The following LRRC38 variants were observed in gnomAD, a reference collection of about 807,000 sequenced individuals.
LRRC38 encodes the protein leucine rich repeat containing 38.
In LRRC38, 5 loss-of-function variants were observed where a neutral mutation model predicts 16.4. That is an observed-to-expected ratio of 0.31 (90% confidence interval 0.16 to 0.64). The LOEUF (loss-of-function observed/expected upper bound fraction) is 0.64. Ranked by LOEUF, LRRC38 falls within the 30% of genes least tolerant of loss-of-function variation. The pLI, the probability that LRRC38 is intolerant of heterozygous loss-of-function variation, is 0.80. For missense variants in LRRC38, 341 were observed against 401.8 expected (o/e 0.85, Z 1.29); for synonymous variants, 191 against 190.2 (o/e 1.00, Z -0.04).
chr1:13,481,527 G>A (rs751118471), intron 1 of LRRC38, among the ~76,000 whole-genome samples: 1 of 151,896 alleles, frequency 6.6e-6, no homozygotes, highest in Non-Finnish European at 1.5e-5. Context: ...GAGTAGCTGG[G>A]ACTACAGGCA....
In LRRC38 at chr1:13,508,841, A is replaced by C. The variant is rs551574025; in HGVS notation, c.631+4122T>G. Among the ~76,000 whole-genome samples the C allele has an allele frequency of 3.2e-4, 48 of 152,350 alleles. 1 individual carries two copies. In the South Asian group the frequency reaches 9.7e-3, roughly 31 times the overall value. Reference sequence around the variant, plus strand: ...ACAAGAACTCCTCATTCCTCTGACCAAACCAGGCCCTCACAGTGTCTGACA... The same window carrying C: ...ACAAGAACTCCTCATTCCTCTGACCCAACCAGGCCCTCACAGTGTCTGACA... On this transcript the variant is annotated intron_variant, in intron 1 of 1. Transcript: ENST00000376085.
Position 13,487,582 on chromosome 1 carries a change from G to C in LRRC38, c.632-11483C>G, listed in dbSNP as rs1038943256. Among the ~76,000 whole-genome samples, 10 of 152,160 alleles carry C rather than the reference G, an allele frequency of 6.6e-5. No homozygotes were observed. The highest frequency in any genetic ancestry group is 2.4e-4 in the African/African-American group (10 of 41,432). On this transcript the variant is annotated intron_variant, in intron 1 of 1. Transcript: ENST00000376085. The surrounding 1 kb of genome is among the most constrained non-coding windows in gnomAD (Gnocchi z 4.4). ...TCCAGGGCACATTCAGAAGAGACAG[G>C]CATCTCCCTTGTGCAGGGCGGCTCC...
At chr1:13,477,668 T>C (rs193132589) in intron 1 of LRRC38, among the ~76,000 whole-genome samples, 313 of 152,072 alleles carry the variant, frequency 2.1e-3, no homozygotes, top group African/African-American at 6.9e-3. Context: ...CAAGACCCTG[T>C]CTCTACAAAA....
At chr1:13,511,745 T>C (rs974519436) in intron 1 of LRRC38, among the ~76,000 whole-genome samples, 1 of 152,010 alleles carries the variant, frequency 6.6e-6, no homozygotes, top group African/African-American at 2.4e-5. Context: ...GGACAAAGTT[T>C]AAAGGTGGGG....
At chr1:13,498,139 C>T (rs1639104269) in intron 1 of LRRC38, among the ~76,000 whole-genome samples, 1 of 151,856 alleles carries the variant, frequency 6.6e-6, no homozygotes, top group African/African-American at 2.4e-5. Context: ...GTTTTCAGCT[C>T]AGCGCCTGGA....
chr1:13,493,879 A>G (rs354588), intron 1 of LRRC38, among the ~76,000 whole-genome samples: 55,372 of 151,972 alleles, frequency 0.36, 11,282 homozygotes, highest in African/African-American at 0.55. Flanking sequence ...CCTGCCCAAT[A>G]TGGTGAAACC....
chr1:13,495,131 G>C (rs1322502297), intron 1 of LRRC38, among the ~76,000 whole-genome samples: 1 of 152,182 alleles, frequency 6.6e-6, no homozygotes, highest in Admixed American at 6.5e-5. Flanking sequence ...CAGTCTCTCT[G>C]GAGCACAGAG....
intron 1 of LRRC38, 42 bp downstream of exon 1, chr1:13,512,921 G>GCCCCCCAGC: frequency 8.0e-7 from 1 of 1,246,172 alleles, no homozygotes; most frequent in Non-Finnish European, 1.1e-6. Flanking sequence ...GCCTCTCCCT[G>GCCCCCCAGC]CCCCCCTCCC....
At position 13,513,693 on chromosome 1, in the gene LRRC38, G is replaced by A. The variant is rs1363532844; in HGVS notation, c.-100C>T. 1 of 811,050 alleles carries A rather than the reference G, an allele frequency of 1.2e-6. No individual in the cohort carries two copies. The highest frequency in any genetic ancestry group is 5.5e-5 in the South Asian group (1 of 18,088). 50.2% of individuals were successfully genotyped at this position (811,050 alleles called of 1,614,324 possible). On this transcript the variant is annotated 5_prime_UTR_variant, in exon 1 of 2. Transcript: ENST00000376085. Reference sequence around the variant, plus strand: ...TGAGGCACTGGCTGCCGGGCGCGGGGAGCCAGAGGGCGGCCCGGGCGGGGA... The same window carrying A: ...TGAGGCACTGGCTGCCGGGCGCGGGAAGCCAGAGGGCGGCCCGGGCGGGGA...
intron 1 of LRRC38, among the ~76,000 whole-genome samples, chr1:13,508,781 C>T (rs1639241173): frequency 6.6e-6 from 1 of 152,130 alleles, no homozygotes; most frequent in South Asian, 2.1e-4. Flanking sequence ...CGGGTTTGTC[C>T]CTTAGGCTGA....
chr1:13,503,125 G>A (rs1377603045), intron 1 of LRRC38, among the ~76,000 whole-genome samples: 1 of 152,144 alleles, frequency 6.6e-6, no homozygotes, highest in Non-Finnish European at 1.5e-5. Flanking sequence ...GCTGACACAA[G>A]AGGTCCCAGC....
At chr1:13,481,754 TTTCTTTCC>T (rs1638862622) in intron 1 of LRRC38, among the ~76,000 whole-genome samples, 6 of 112,562 alleles carry the variant, frequency 5.3e-5, no homozygotes, top group South Asian at 2.7e-4. Flanking sequence ...TGCCTCTCAC[TTTCTTTCC>T]CTCTCTCTCC....
chr1:13,488,105 G>A (rs1020534852), intron 1 of LRRC38, among the ~76,000 whole-genome samples: 7 of 149,042 alleles, frequency 4.7e-5, no homozygotes, highest in African/African-American at 1.2e-4. Flanking sequence ...CCACTCTGTC[G>A]GATAACCATA....
intron 1 of LRRC38, among the ~76,000 whole-genome samples, chr1:13,481,770 TCC>T (rs1557495266): frequency 0.092 from 3,452 of 37,430 alleles, 116 homozygotes; most frequent in African/African-American, 0.14. Context: ...TCCCTCTCTC[TCC>T]CTCTCTCCCT....
chr1:13,511,347 C>T (rs1038884479), intron 1 of LRRC38, among the ~76,000 whole-genome samples: 1 of 152,070 alleles, frequency 6.6e-6, no homozygotes, highest in Admixed American at 6.6e-5. Context: ...AGATTTTAGG[C>T]CAGGACTTAA....
chr1:13,512,112 G>A (rs1200396306), intron 1 of LRRC38, among the ~76,000 whole-genome samples: 4 of 152,148 alleles, frequency 2.6e-5, no homozygotes, highest in East Asian at 3.9e-4. Context: ...AGGGTCACAA[G>A]TGGGAGGCTG....
chr1:13,495,808 C>G (rs1028157131), intron 1 of LRRC38, among the ~76,000 whole-genome samples: 8 of 152,134 alleles, frequency 5.3e-5, no homozygotes, highest in African/African-American at 1.9e-4. Context: ...CATCGAATTC[C>G]GTTTCCTTGT....
chr1:13,502,374 G>A (rs1241623086), intron 1 of LRRC38, among the ~76,000 whole-genome samples: 5 of 151,992 alleles, frequency 3.3e-5, no homozygotes, highest in African/African-American at 9.7e-5. Flanking sequence ...CCCTGACCTC[G>A]GGGCTCCCAT....
intron 1 of LRRC38, among the ~76,000 whole-genome samples, chr1:13,498,143 G>A (rs973976270): frequency 4.0e-5 from 6 of 151,754 alleles, no homozygotes; most frequent in Admixed American, 6.6e-5. Flanking sequence ...TCAGCTCAGC[G>A]CCTGGAATCG....
Sources: allele counts gnomAD v4.1 joint callset (sites outside exome capture counted in the v4.1 genomes callset), GRCh38; gene constraint gnomAD v4.1.1; non-coding constraint Gnocchi (gnomAD v3.1); transcripts MANE v1.5; gene names NCBI Gene and HGNC (gene_info 2026-07-23, HGNC 2026-07-21).